The following AGBL1 variants were observed in gnomAD, a reference collection of about 807,000 sequenced individuals.
The protein encoded by AGBL1 is cytosolic carboxypeptidase 4.
In AGBL1, 130 loss-of-function variants were observed where a neutral mutation model predicts 118.9. The ratio of observed to expected loss-of-function variants is 1.09; its 90% CI spans 0.95 to 1.26. AGBL1 has a LOEUF of 1.26. Ranked by LOEUF, AGBL1 falls within the 50% of genes most tolerant of loss-of-function variation. AGBL1 has a pLI of 0.00. For synonymous variants in AGBL1, 555 were observed against 478.9 expected (o/e 1.16, Z -2.08); for missense variants, 1,584 against 1,298.1 (o/e 1.22, Z -3.38).
At chr15:86,622,979 C>T (rs1211897770) in intron 21 of AGBL1, among the ~76,000 whole-genome samples, 1 of 152,120 alleles carries the variant, frequency 6.6e-6, no homozygotes, top group African/African-American at 2.4e-5. Context: ...AGCCTAGATC[C>T]CTCAAGTGCA....
At chr15:86,561,188 G>A (rs908870423) in intron 21 of AGBL1, among the ~76,000 whole-genome samples, 23 of 152,150 alleles carry the variant, frequency 1.5e-4, no homozygotes, top group Non-Finnish European at 2.9e-4. Flanking sequence ...TGCTTTTGGT[G>A]TTTTAGACAG....
At chr15:86,438,030 A>G (rs1384979621) in intron 18 of AGBL1, among the ~76,000 whole-genome samples, 3 of 151,836 alleles carry the variant, frequency 2.0e-5, no homozygotes, top group Non-Finnish European at 4.4e-5. Flanking sequence ...CTCAGCCTCC[A>G]GAGTAGCTGG....
intron 18 of AGBL1, among the ~76,000 whole-genome samples, chr15:86,513,767 A>T (rs945409962): frequency 1.3e-5 from 2 of 152,108 alleles, no homozygotes; most frequent in African/African-American, 2.4e-5. Flanking sequence ...TTAAATCACT[A>T]TGAATTTATG....
chr15:86,460,847 C>T (rs1360929536), intron 18 of AGBL1, among the ~76,000 whole-genome samples: 3 of 152,150 alleles, frequency 2.0e-5, no homozygotes, highest in Non-Finnish European at 4.4e-5. Context: ...GCAGCTGCTC[C>T]AGTTCTTGTC....
chr15:86,148,925 T>A (rs978337032), intron 3 of AGBL1, among the ~76,000 whole-genome samples: 13 of 152,146 alleles, frequency 8.5e-5, no homozygotes, highest in African/African-American at 2.9e-4. Flanking sequence ...TAACAGCGGA[T>A]CTCTTGGCAG....
At chr15:86,371,119 G>A (rs1333764054) in intron 17 of AGBL1, among the ~76,000 whole-genome samples, 2 of 152,218 alleles carry the variant, frequency 1.3e-5, no homozygotes, top group African/African-American at 4.8e-5. Flanking sequence ...GCACAGTCCA[G>A]TACAGACTTG....
chr15:86,294,788 G>A (rs1453422670), intron 16 of AGBL1, among the ~76,000 whole-genome samples: 4 of 152,016 alleles, frequency 2.6e-5, no homozygotes, highest in East Asian at 1.9e-4. Flanking sequence ...ATGGGTACGC[G>A]TGAAGTTTTC....
chr15:86,991,697 C>G (rs2081337213), intron 24 of AGBL1, among the ~76,000 whole-genome samples: 1 of 152,110 alleles, frequency 6.6e-6, no homozygotes, highest in South Asian at 2.1e-4. Context: ...ACAGAGATGC[C>G]TGCCTGTGAG....
chr15:86,859,499 T>C (rs1305972935), intron 22 of AGBL1, among the ~76,000 whole-genome samples: 1 of 152,180 alleles, frequency 6.6e-6, no homozygotes, highest in Non-Finnish European at 1.5e-5. Flanking sequence ...CTATCTCCCA[T>C]GAAGAGTACT....
intron 21 of AGBL1, among the ~76,000 whole-genome samples, chr15:86,559,338 C>A (rs1369154130): frequency 6.6e-6 from 1 of 152,194 alleles, no homozygotes; most frequent in Non-Finnish European, 1.5e-5. Flanking sequence ...CAAGAAAACA[C>A]AAAATTATCT....
chr15:86,352,210 CT>C (rs1463823763), intron 17 of AGBL1, among the ~76,000 whole-genome samples: 1 of 152,174 alleles, frequency 6.6e-6, no homozygotes, highest in African/African-American at 2.4e-5. Context: ...TCTTGAGTCA[CT>C]AAAGCAACTA....
intron 22 of AGBL1, among the ~76,000 whole-genome samples, chr15:86,872,126 C>T (rs2079738196): frequency 6.6e-6 from 1 of 152,168 alleles, no homozygotes; most frequent in African/African-American, 2.4e-5. Context: ...GTTGTGCAGC[C>T]CCACGCACAC....
intron 19 of AGBL1, among the ~76,000 whole-genome samples, chr15:86,535,349 G>A (rs1253986696): frequency 6.6e-6 from 1 of 152,218 alleles, no homozygotes; most frequent in East Asian, 1.9e-4. Flanking sequence ...GGAGGCAGAT[G>A]AGGACAGTCG....
intron 6 of AGBL1, among the ~76,000 whole-genome samples, chr15:86,231,986 T>G (rs1161560638): frequency 6.6e-6 from 1 of 152,136 alleles, no homozygotes; most frequent in Non-Finnish European, 1.5e-5. Flanking sequence ...CACACCACCA[T>G]GGCTGTGTAA....
At chr15:86,193,189 A>G (rs2141833994) in intron 5 of AGBL1, among the ~76,000 whole-genome samples, 1 of 152,196 alleles carries the variant, frequency 6.6e-6, no homozygotes, top group South Asian at 2.1e-4. Context: ...CTGTTTGGAG[A>G]TGTCACTGAG....
intron 23 of AGBL1, among the ~76,000 whole-genome samples, chr15:86,925,137 A>AGAGCAG (rs1567242786): frequency 7.9e-5 from 2 of 25,240 alleles, no homozygotes; most frequent in Non-Finnish European, 3.3e-4. Flanking sequence ...AGGAAGAGGA[A>AGAGCAG]GAGGAAGAGG....
chr15:86,145,800 C>G (rs939328665), intron 3 of AGBL1, among the ~76,000 whole-genome samples: 1 of 152,188 alleles, frequency 6.6e-6, no homozygotes, highest in Admixed American at 6.5e-5. Flanking sequence ...AGGACCTGCT[C>G]TCATGGAACT....
At chr15:87,021,597 G>A (rs1385997061) in intron 24 of AGBL1, among the ~76,000 whole-genome samples, 1 of 152,048 alleles carries the variant, frequency 6.6e-6, no homozygotes, top group South Asian at 2.1e-4. Flanking sequence ...ATCTATCCAT[G>A]TGACAAAGGC....
At chr15:86,442,031 C>T (rs114622590) in intron 18 of AGBL1, among the ~76,000 whole-genome samples, 1 of 152,150 alleles carries the variant, frequency 6.6e-6, no homozygotes, top group South Asian at 2.1e-4. Context: ...TGGAACTTTA[C>T]GAGCCCAATA....
Sources: gnomAD v4.1 joint callset for allele counts (sites outside exome capture counted in the v4.1 genomes callset) on GRCh38, gnomAD v4.1.1 for gene constraint, MANE v1.5 for transcripts, NCBI Gene and HGNC (gene_info 2026-07-23, HGNC 2026-07-21) for gene names.